SH3BP5: variants seen among roughly 807,000 people sequenced by gnomAD.
The protein encoded by SH3BP5 is SH3 domain-binding protein 5.
In SH3BP5, 22 loss-of-function variants were observed where a neutral mutation model predicts 43.3. The observed-to-expected ratio is 0.51, with a 90% CI of 0.36 to 0.73. SH3BP5 has a LOEUF of 0.73. Among genes scored for constraint, SH3BP5 ranks in the 30% least tolerant of loss-of-function variants. The probability of loss-of-function intolerance (pLI) is 0.00; values close to 1 mark genes in which losing one functional copy is unlikely to be tolerated. For missense variants in SH3BP5, 529 were observed against 586.9 expected (o/e 0.90, Z 1.02); for synonymous variants, 255 against 225.8 (o/e 1.13, Z -1.16).
At chr3:15,270,646 TCC>T (rs1336710962) in intron 3 of SH3BP5, among the ~76,000 whole-genome samples, 2 of 151,948 alleles carry the variant, frequency 1.3e-5, no homozygotes, top group East Asian at 3.9e-4. Context: ...ATGTGATTAA[TCC>T]CAGCCAGGTG....
chr3:15,279,703 C>T (rs556737393), intron 3 of SH3BP5, among the ~76,000 whole-genome samples: 1 of 152,044 alleles, frequency 6.6e-6, no homozygotes, highest in South Asian at 2.1e-4. Context: ...AAGTTTTGAC[C>T]CCAGTTTCTG....
At chr3:15,271,504 C>CCTAT (rs1407376884) in intron 3 of SH3BP5, 2 of 152,052 alleles carry the variant, frequency 1.3e-5, no homozygotes, top group East Asian at 3.9e-4. Flanking sequence ...ATGGCGAAAC[C>CCTAT]CTATCTCTAC....
At chr3:15,256,704 C>T (rs1437302246) in intron 8 of SH3BP5, 149 bp downstream of exon 8, 10 of 944,416 alleles carry the variant, frequency 1.1e-5, no homozygotes, top group Non-Finnish European at 1.5e-5. Context: ...TTGGAAACAA[C>T]CTCAGTGATC....
chr3:15,289,562 C>T (rs550359852), intron 3 of SH3BP5, among the ~76,000 whole-genome samples: 4 of 152,254 alleles, frequency 2.6e-5, no homozygotes, highest in South Asian at 2.1e-4. Flanking sequence ...AGTTGAGAGA[C>T]GGAATCCTTG....
chr3:15,324,602 A>T (rs1698413585), intron 2 of SH3BP5, among the ~76,000 whole-genome samples: 1 of 152,210 alleles, frequency 6.6e-6, no homozygotes, highest in Non-Finnish European at 1.5e-5. Context: ...CGGTCTATCT[A>T]TGCTTCAAAC....
At position 15,288,643 on chromosome 3, in the gene SH3BP5, G is replaced by A. The variant is rs1028285437; in HGVS notation, c.330+15460C>T. On this transcript the variant is annotated intron_variant, in intron 3 of 8. Transcript: ENST00000383791. ...ATGGTGGTATGCACCTGTAAGGTGA[G>A]GTGGGAGGACTGTTTGAGTCTGGGA... Among the ~76,000 whole-genome samples the A allele has an allele frequency of 8.5e-5, 13 of 152,328 alleles. No homozygotes were observed. The East Asian group carries it at 1.4e-3, about 16-fold the overall frequency.
chr3:15,255,914 A>AAGAGCTCTTACCCAGAAGAACAATCTTT lies in SH3BP5; in HGVS notation c.*144_*171dup. ...GAACTCTGCTCTGAAAAACCAGCCCAAGAGCTCTTACCCAGAAGAACAATC... is the reference window on the plus strand; with the variant it reads ...GAACTCTGCTCTGAAAAACCAGCCCAAGAGCTCTTACCCAGAAGAACAATCTTTAGAGCTCTTACCCAGAAGAACAATC... On this transcript the variant is annotated 3_prime_UTR_variant, in exon 9 of 9. Transcript: ENST00000383791. 4.7e-6 allele frequency: 3 copies of AAGAGCTCTTACCCAGAAGAACAATCTTT among 642,202 alleles called. No homozygotes were observed. The East Asian group carries it at 7.9e-5, about 17-fold the overall frequency. 39.8% of individuals were successfully genotyped at this position (642,202 alleles called of 1,614,324 possible).
intron 2 of SH3BP5, among the ~76,000 whole-genome samples, chr3:15,324,231 C>T (rs1347477104): frequency 6.6e-6 from 1 of 152,244 alleles, no homozygotes; most frequent in Non-Finnish European, 1.5e-5. Context: ...TTCAGACTAT[C>T]TGGGGTCTGC....
intron 3 of SH3BP5, among the ~76,000 whole-genome samples, chr3:15,270,225 C>T (rs1301162569): frequency 3.3e-5 from 5 of 152,226 alleles, no homozygotes; most frequent in Admixed American, 2.6e-4. Context: ...CGAGGCCTGT[C>T]ACCTTCCCTG....
intron 7 of SH3BP5, chr3:15,258,398 G>C (rs1021757394): frequency 6.2e-6 from 1 of 161,746 alleles, no homozygotes. Flanking sequence ...CCTACACAAC[G>C]GATAGTATAC....
chr3:15,257,409 G>C, intron 7 of SH3BP5: 3 of 325,326 alleles, frequency 9.2e-6, no homozygotes, highest in Non-Finnish European at 1.7e-5. Flanking sequence ...GATTAATTCA[G>C]CCACAAATTA....
chr3:15,333,752 A>G (rs1250666084), upstream of SH3BP5, among the ~76,000 whole-genome samples: 1 of 152,216 alleles, frequency 6.6e-6, no homozygotes, highest in Non-Finnish European at 1.5e-5. Context: ...CTGTCAAAGG[A>G]AATTTGTCCT....
At chr3:15,312,331 A>G (rs1251510441) in intron 2 of SH3BP5, among the ~76,000 whole-genome samples, 1 of 152,218 alleles carries the variant, frequency 6.6e-6, no homozygotes, top group Non-Finnish European at 1.5e-5. Context: ...TTTCCATAAA[A>G]TGTATTATTT....
rs1696205360 is a variant in SH3BP5 at position 15,256,470 on chromosome 3, T to TATCA, written c.1151-171_1151-168dup. The TATCA allele has an allele frequency of 2.8e-5, 20 of 704,056 alleles. No individual in the cohort carries two copies. In the South Asian group the frequency reaches 3.3e-4, roughly 12 times the overall value. The allele number at this position is 704,056 out of a possible 1,614,324, so 43.6% of individuals were successfully genotyped here. ...AAGTCCCACTGTTACCTACCGTGCC[T>TATCA]ATCAGAGAGGTTCTCAGTACATAAT... On this transcript the variant is annotated intron_variant, in intron 8 of 8. Transcript: ENST00000383791.
At chr3:15,273,015 C>T in intron 3 of SH3BP5, 1 of 451,146 alleles carries the variant, frequency 2.2e-6, no homozygotes, top group Non-Finnish European at 2.9e-6. Flanking sequence ...GACAGCCCTG[C>T]AGGGCCTCCG....
At chr3:15,263,403 C>G (rs1575282756) in intron 4 of SH3BP5, among the ~76,000 whole-genome samples, 1 of 152,344 alleles carries the variant, frequency 6.6e-6, no homozygotes, top group East Asian at 1.9e-4. Flanking sequence ...GCCATGACTT[C>G]CATTGTTTGG....
intron 6 of SH3BP5, 96 bp from the exon 7 acceptor site, chr3:15,259,146 C>G (rs1696335459): frequency 4.1e-6 from 4 of 980,376 alleles, no homozygotes. Context: ...GCCCATCATT[C>G]TACTTCAAGG....
chr3:15,324,731 G>C (rs527346586), intron 2 of SH3BP5, among the ~76,000 whole-genome samples: 1 of 152,160 alleles, frequency 6.6e-6, no homozygotes, highest in Admixed American at 6.5e-5. Flanking sequence ...TTTGATAGAG[G>C]AATTTTTCTC....
At chr3:15,265,297 C>G (rs1696592837) in intron 4 of SH3BP5, among the ~76,000 whole-genome samples, 1 of 152,086 alleles carries the variant, frequency 6.6e-6, no homozygotes, top group Non-Finnish European at 1.5e-5. Context: ...GGGCAGATCA[C>G]TTGAGGTCAG....
Sources: gnomAD v4.1 joint callset for allele counts (sites outside exome capture counted in the v4.1 genomes callset) on GRCh38, gnomAD v4.1.1 for gene constraint, MANE v1.5 for transcripts, NCBI Gene and HGNC (gene_info 2026-07-23, HGNC 2026-07-21) for gene names.